Variants in FLNB observed in about 807,000 individuals in gnomAD.
FLNB encodes filamin-B.
Under a neutral mutation model 250.6 loss-of-function variants are expected in FLNB, and 111 were observed. The observed-to-expected ratio is 0.44, with a 90% CI of 0.38 to 0.52. FLNB has a LOEUF of 0.52. FLNB is among the 20% of genes least tolerant of loss of function. FLNB has a pLI of 0.00. For synonymous variants in FLNB, 1,302 were observed against 1,372.1 expected (o/e 0.95, Z 1.13); for missense variants, 2,869 against 3,447.8 (o/e 0.83, Z 4.20).
intron 18 of FLNB, among the ~76,000 whole-genome samples, chr3:58,117,308 A>C (rs900296633): frequency 2.6e-5 from 4 of 152,132 alleles, no homozygotes; most frequent in Non-Finnish European, 5.9e-5. Flanking sequence ...TAGGTTATTT[A>C]AGGTACAGTT....
chr3:58,097,571 A>G (rs745502379), intron 6 of FLNB, among the ~76,000 whole-genome samples: 6 of 152,208 alleles, frequency 3.9e-5, no homozygotes, highest in Non-Finnish European at 8.8e-5. Context: ...CTAAGTGTAT[A>G]TAAGGTCAGC....
intron 26 of FLNB, among the ~76,000 whole-genome samples, chr3:58,133,350 T>A (rs772888577): frequency 2.8e-5 from 4 of 143,932 alleles, no homozygotes; most frequent in Non-Finnish European, 5.9e-5. Flanking sequence ...TAATCCCAGC[T>A]ACTTGGGAGA....
chr3:58,104,074 C>T lies in FLNB; in HGVS notation c.1599C>T (p.His533=), dbSNP rs962189237. 1.2e-6 allele frequency: 2 copies of T among 1,613,820 alleles called. No individual in the cohort carries two copies. Among genetic ancestry groups the T allele is most frequent in the Non-Finnish European group, 1.7e-6 (2 of 1,180,004 alleles). The change falls in exon 10 of 46, where the codon CAC becomes CAT. Residue 533 remains histidine (H), a synonymous_variant. Transcript: ENST00000295956. The stretch of plus-strand genomic sequence containing the variant: ...TTGCCATCACATGGGGGGGACACCA[C>T]ATTCCAAAGAGGTGAGGCTCCTGCT... The part of the protein sequence containing the change: ...YSIAITWGGH[H]IPKSPFEVQV...
chr3:58,158,013 G>A (rs1353542286), intron 41 of FLNB, among the ~76,000 whole-genome samples: 2 of 150,490 alleles, frequency 1.3e-5, no homozygotes, highest in Admixed American at 6.6e-5. Flanking sequence ...GGAGGCCCAC[G>A]CAAGCAACAT....
At chr3:58,023,223 C>T (rs1159411497) in intron 1 of FLNB, among the ~76,000 whole-genome samples, 3 of 151,308 alleles carry the variant, frequency 2.0e-5, no homozygotes, top group Non-Finnish European at 2.9e-5. Flanking sequence ...CTCAGCCTCC[C>T]GAGTAGCTGG....
At chr3:58,159,725 C>G (rs771963139) in intron 42 of FLNB, 39 bp downstream of exon 42, 2 of 1,606,846 alleles carry the variant, frequency 1.2e-6, no homozygotes, top group Non-Finnish European at 1.7e-6. Flanking sequence ...AGCACCAGCA[C>G]TTTCCAGCAG....
intron 18 of FLNB, among the ~76,000 whole-genome samples, chr3:58,116,356 G>A (rs2097277888): frequency 6.6e-6 from 1 of 152,224 alleles, no homozygotes; most frequent in South Asian, 2.1e-4. Context: ...TCCCCAGAAA[G>A]GTGGCTGCTT....
At chr3:58,062,370 C>G (rs1424301564) in intron 1 of FLNB, among the ~76,000 whole-genome samples, 13 of 152,106 alleles carry the variant, frequency 8.5e-5, no homozygotes, top group Admixed American at 8.5e-4. Flanking sequence ...TTCACAGCAC[C>G]CTGTTTTCCT....
chr3:58,091,077 CAA>C (rs35189686), intron 4 of FLNB, among the ~76,000 whole-genome samples: 7 of 109,542 alleles, frequency 6.4e-5, no homozygotes, highest in Non-Finnish European at 8.3e-5. Flanking sequence ...GACTCCGTCT[CAA>C]AAAAAAAAAA....
intron 1 of FLNB, among the ~76,000 whole-genome samples, chr3:58,035,805 ACT>A (rs1382311504): frequency 6.6e-6 from 1 of 152,142 alleles, no homozygotes; most frequent in Admixed American, 6.5e-5. Flanking sequence ...AAAGGAGACC[ACT>A]CTTTGCTGGA....
intron 1 of FLNB, among the ~76,000 whole-genome samples, chr3:58,060,544 G>A (rs2097176645): frequency 6.6e-6 from 1 of 151,500 alleles, no homozygotes; most frequent in Non-Finnish European, 1.5e-5. Context: ...GTAGAGATGG[G>A]GTTTTGTCAT....
intron 1 of FLNB, among the ~76,000 whole-genome samples, chr3:58,065,552 A>G (rs1318498541): frequency 6.6e-6 from 1 of 152,242 alleles, no homozygotes; most frequent in East Asian, 1.9e-4. Flanking sequence ...TCACAGGGTC[A>G]TTGTGAGGAT....
At chr3:58,158,349 A>C (rs1039750528) in intron 41 of FLNB, among the ~76,000 whole-genome samples, 5 of 152,220 alleles carry the variant, frequency 3.3e-5, no homozygotes, top group African/African-American at 4.8e-5. Flanking sequence ...TAAGTGCATT[A>C]AGTTGAAATA....
rs868057714 is a variant in FLNB, at chr3:58,044,444, C to A, written c.293-32602C>A. Among the ~76,000 whole-genome samples the A allele has an allele frequency of 1.5e-4, 22 of 151,524 alleles. 1 individual carries two copies. In the South Asian group the frequency reaches 3.4e-3, roughly 23 times the overall value. ...AGACCCTGTCTCTACAAAAAACAAA[C>A]AAACAAACAAACCAAAAAAACCCCA... On this transcript the variant is annotated intron_variant, in intron 1 of 45. Coordinates refer to ENST00000295956, the MANE Select transcript of FLNB (RefSeq NM_001457.4).
chr3:58,110,225 C>G (rs772017581), intron 16 of FLNB, 55 bp downstream of exon 16: 16 of 1,553,762 alleles, frequency 1.0e-5, no homozygotes, highest in Non-Finnish European at 1.4e-5. Context: ...TTCTCTTTGG[C>G]CACTTGTGTG....
At chr3:58,023,568 G>T (rs2097117809) in intron 1 of FLNB, among the ~76,000 whole-genome samples, 1 of 152,168 alleles carries the variant, frequency 6.6e-6, no homozygotes, top group South Asian at 2.1e-4. Context: ...TCAGAATAGG[G>T]AAGAAAGAGA....
intron 41 of FLNB, among the ~76,000 whole-genome samples, chr3:58,156,637 G>A (rs900253248): frequency 3.9e-5 from 6 of 152,154 alleles, no homozygotes; most frequent in Admixed American, 3.9e-4. Context: ...TTTGTCCACT[G>A]GGAACCAGCT....
rs747673269 is a variant in FLNB at position 58,130,800 on chromosome 3, G to A, written c.4282G>A (p.Gly1428Ser). Residue 1428 changes from glycine (G) to serine (S), a missense_variant, in exon 25 of 46, where the codon GGC (glycine) becomes AGC (serine). Transcript: ENST00000295956. ...VVDPSKVKIA[G>S]PGLGSGVRAR... Reference sequence around the variant, plus strand: ...GGACCCCAGCAAGGTCAAGATTGCCGGCCCCGGGCTGGGCTCAGGCGTCCG... The same window carrying A: ...GGACCCCAGCAAGGTCAAGATTGCCAGCCCCGGGCTGGGCTCAGGCGTCCG... The A allele has an allele frequency of 9.3e-6, 15 of 1,613,878 alleles. No homozygotes were observed. Among genetic ancestry groups the A allele is most frequent in the South Asian group, 5.5e-5 (5 of 91,010 alleles).
chr3:58,102,101 C>T (rs751006164), intron 8 of FLNB, 102 bp from the exon 9 acceptor site: 16 of 1,396,156 alleles, frequency 1.1e-5, no homozygotes, highest in Non-Finnish European at 1.5e-5. Flanking sequence ...ACTATTTGTG[C>T]AAAGCAAATA....
Sources: allele counts gnomAD v4.1 joint callset (sites outside exome capture counted in the v4.1 genomes callset), GRCh38; gene constraint gnomAD v4.1.1; transcripts MANE v1.5; gene names NCBI Gene and HGNC (gene_info 2026-07-23, HGNC 2026-07-21).